PAX5: variants seen among roughly 807,000 people sequenced by gnomAD.
PAX5 encodes paired box 5, also known as paired box protein Pax-5.
PAX5 carries 9 observed loss-of-function variants against 43.7 expected under a neutral mutation model. That is an observed-to-expected ratio of 0.21 (90% CI 0.12 to 0.36). The LOEUF (loss-of-function observed/expected upper bound fraction) is 0.36, where lower values mean the gene tolerates loss of function less well. Among genes scored for constraint, PAX5 ranks in the 10% least tolerant of loss-of-function variants. The probability of loss-of-function intolerance (pLI) is 1.00; values close to 1 mark genes in which losing one functional copy is unlikely to be tolerated. For missense variants in PAX5, 383 were observed against 532.7 expected, an observed-to-expected ratio of 0.72 and a Z score of 2.77; for synonymous variants, 228 against 214.3, an observed-to-expected ratio of 1.06 and a Z score of -0.56.
chr9:37,030,489 C>CCGCGGCTCTCAA (rs1435368645), intron 1 of PAX5, among the ~76,000 whole-genome samples: 1 of 152,222 alleles, frequency 6.6e-6, no homozygotes, highest in Non-Finnish European at 1.5e-5. Context: ...GCAGCTCTCA[C>CCGCGGCTCTCAA]CGCGGCTCTC....
chr9:36,935,355 G>A (rs1831460816), intron 6 of PAX5, among the ~76,000 whole-genome samples: 1 of 151,402 alleles, frequency 6.6e-6, no homozygotes, highest in South Asian at 2.1e-4. Context: ...ACTCCAGCCT[G>A]GGCAACAAGA....
chr9:36,932,830 T>C (rs1375802108), intron 6 of PAX5, among the ~76,000 whole-genome samples: 1 of 152,090 alleles, frequency 6.6e-6, no homozygotes, highest in Non-Finnish European at 1.5e-5. Context: ...GCTTGGAGGC[T>C]GATTAAATTA....
At position 36,846,854 on chromosome 9, in the gene PAX5, G is replaced by A. The variant is rs1166397855; in HGVS notation, c.1088C>T (p.Pro363Leu). ...SYNDSWRFPN[P>L]GLLGSPYYYS... ...CCGCCAGTACTCACCAAGCAGCCCC[G>A]GGTTGGGGAACCTCCAGGAGTCGTT... Residue 363 changes from proline to leucine, a missense_variant, in exon 9 of 10, where the codon CCG becomes CTG. By Grantham distance (98) the Pro-to-Leu change is moderately conservative (BLOSUM62 -3). Transcript: ENST00000358127. 2.5e-6 allele frequency: 4 copies of A among 1,613,678 alleles called. No individual in the cohort carries two copies. The highest frequency in any genetic ancestry group is 3.4e-6 in the Non-Finnish European group (4 of 1,179,602).
chr9:37,000,266 C>T (rs1217576178), intron 5 of PAX5, among the ~76,000 whole-genome samples: 1 of 152,186 alleles, frequency 6.6e-6, no homozygotes, highest in Non-Finnish European at 1.5e-5. Flanking sequence ...AACGTGCATA[C>T]TCTCAGTGGT....
chr9:36,979,975 G>A (rs1835771337), intron 5 of PAX5, among the ~76,000 whole-genome samples: 1 of 152,130 alleles, frequency 6.6e-6, no homozygotes, highest in African/African-American at 2.4e-5. Context: ...TTGGGTCCCA[G>A]GTTCTCAGGT....
intron 7 of PAX5, among the ~76,000 whole-genome samples, chr9:36,909,170 A>T (rs1045686154): frequency 3.9e-5 from 6 of 152,194 alleles, no homozygotes; most frequent in Admixed American, 3.3e-4. Flanking sequence ...TACCAGTGAA[A>T]AAGCAAATAC....
Position 37,015,188 on chromosome 9 carries a change from A to G in PAX5, c.219T>C (p.Tyr73=), listed in dbSNP as rs149277532. ...CCCCAGGCTTGATGCTTCCTGTCTC[A>G]TAATACCTAGGACCCAAAGAGAAAG... The part of the protein sequence containing the change: ...GCVSKILGRY[Y]ETGSIKPGVI... Residue 73 remains tyrosine, a synonymous_variant, in exon 3 of 10, where the codon TAT becomes TAC. Transcript: ENST00000358127. The surrounding 1 kb of genome is among the most constrained non-coding windows in gnomAD (Gnocchi z 4.4). 1 of 1,613,796 alleles carries G rather than the reference A, an allele frequency of 6.2e-7. No individual in the cohort carries two copies. The highest frequency in any genetic ancestry group is 1.3e-5 in the African/African-American group (1 of 74,902).
chr9:36,946,702 C>A (rs1210402388), intron 6 of PAX5, among the ~76,000 whole-genome samples: 1 of 152,190 alleles, frequency 6.6e-6, no homozygotes, highest in Non-Finnish European at 1.5e-5. Context: ...GTTACGGTCA[C>A]CAGGACACTT....
chr9:36,867,711 ATC>A (rs1252980380), intron 8 of PAX5, among the ~76,000 whole-genome samples: 2 of 151,862 alleles, frequency 1.3e-5, no homozygotes, highest in African/African-American at 4.8e-5. Flanking sequence ...TCCCTCTTTT[ATC>A]TCTCTTTCTC....
intron 7 of PAX5, among the ~76,000 whole-genome samples, chr9:36,903,824 G>T (rs192291303): frequency 6.6e-6 from 1 of 152,176 alleles, no homozygotes; most frequent in Non-Finnish European, 1.5e-5. Flanking sequence ...GCCCCTACAC[G>T]TGGCCTGAAA....
At chr9:36,867,861 G>A (rs1825049119) in intron 8 of PAX5, among the ~76,000 whole-genome samples, 1 of 152,170 alleles carries the variant, frequency 6.6e-6, no homozygotes, top group Non-Finnish European at 1.5e-5. Flanking sequence ...TCACCGCATG[G>A]TTTTTCATTA....
At chr9:37,019,926 C>T (rs909515268) in intron 2 of PAX5, among the ~76,000 whole-genome samples, 1 of 152,176 alleles carries the variant, frequency 6.6e-6, no homozygotes, top group African/African-American at 2.4e-5. Context: ...TTTGTTTTCT[C>T]ATCTTAAAAC....
intron 6 of PAX5, among the ~76,000 whole-genome samples, chr9:36,941,566 A>G (rs1326125572): frequency 6.6e-6 from 1 of 152,172 alleles, no homozygotes; most frequent in Non-Finnish European, 1.5e-5. Context: ...AACGGAAAAC[A>G]GATTGGAGCC....
At chr9:36,938,895 C>A (rs1447167856) in intron 6 of PAX5, among the ~76,000 whole-genome samples, 4 of 152,208 alleles carry the variant, frequency 2.6e-5, no homozygotes, top group Admixed American at 2.6e-4. Flanking sequence ...ATGGGAAGAA[C>A]ATTTTCATTA....
intron 7 of PAX5, among the ~76,000 whole-genome samples, chr9:36,895,791 T>A (rs1255563737): frequency 1.3e-5 from 2 of 152,188 alleles, no homozygotes; most frequent in Non-Finnish European, 2.9e-5. Context: ...TCTGTGCTCT[T>A]AACCACCAAG....
intron 5 of PAX5, among the ~76,000 whole-genome samples, chr9:36,987,940 A>G (rs1836581123): frequency 6.6e-6 from 1 of 152,246 alleles, no homozygotes; most frequent in African/African-American, 2.4e-5. Flanking sequence ...TTTTCAGAAA[A>G]GAGATGTTCA....
At chr9:36,973,931 C>T (rs1358046910) in intron 5 of PAX5, among the ~76,000 whole-genome samples, 3 of 152,108 alleles carry the variant, frequency 2.0e-5, no homozygotes, top group African/African-American at 7.2e-5. Context: ...ACGTAGGAGG[C>T]GGAGGTTGTG....
chr9:36,876,322 G>A (rs1338486677), intron 8 of PAX5, among the ~76,000 whole-genome samples: 2 of 152,200 alleles, frequency 1.3e-5, no homozygotes, highest in Non-Finnish European at 2.9e-5. Context: ...TAGAAATGAT[G>A]TCCATCAATC....
intron 9 of PAX5, among the ~76,000 whole-genome samples, chr9:36,844,577 C>T (rs1822385185): frequency 1.3e-5 from 2 of 152,178 alleles, no homozygotes; most frequent in African/African-American, 2.4e-5. Flanking sequence ...GTCTCTGGCC[C>T]CCTAAAGGTA....
Sources: allele counts gnomAD v4.1 joint callset (sites outside exome capture counted in the v4.1 genomes callset), GRCh38; gene constraint gnomAD v4.1.1; non-coding constraint Gnocchi (gnomAD v3.1); transcripts MANE v1.5; gene names NCBI Gene and HGNC (gene_info 2026-07-23, HGNC 2026-07-21).